The following GRIK4 variants were observed in gnomAD, a reference collection of about 807,000 sequenced individuals.
GRIK4 encodes the protein glutamate receptor ionotropic, kainate 4.
Under a neutral mutation model 104.9 loss-of-function variants are expected in GRIK4, and 40 were observed. That is an observed-to-expected ratio of 0.38 (90% CI 0.30 to 0.50). The LOEUF (loss-of-function observed/expected upper bound fraction) is 0.50. Among genes scored for constraint, GRIK4 ranks in the 20% least tolerant of loss-of-function variants. The probability of loss-of-function intolerance (pLI) is 0.93; values close to 1 mark genes in which losing one functional copy is unlikely to be tolerated. For synonymous variants in GRIK4, 485 were observed against 524.9 expected (o/e 0.92, Z 1.04); for missense variants, 1,047 against 1,308.1 (o/e 0.80, Z 3.08).
intron 4 of GRIK4, among the ~76,000 whole-genome samples, chr11:120,806,465 C>T (rs1381323914): frequency 6.6e-6 from 1 of 152,166 alleles, no homozygotes; most frequent in Non-Finnish European, 1.5e-5. Context: ...TAATTTGCAT[C>T]ATTAATTTAA....
intron 1 of GRIK4, among the ~76,000 whole-genome samples, chr11:120,620,838 G>A (rs1265826358): frequency 1.3e-5 from 2 of 152,150 alleles, no homozygotes; most frequent in Non-Finnish European, 2.9e-5. Context: ...GATGTGCCGG[G>A]CATTGTGCTC....
At chr11:120,725,514 G>A (rs73012312) in intron 3 of GRIK4, among the ~76,000 whole-genome samples, 5,354 of 152,248 alleles carry the variant, frequency 0.035, 122 homozygotes, top group East Asian at 0.092. Context: ...GGTTTATACA[G>A]CAGGGAAGAA....
At chr11:120,672,153 C>A (rs575720965) in intron 3 of GRIK4, among the ~76,000 whole-genome samples, 2 of 152,222 alleles carry the variant, frequency 1.3e-5, no homozygotes, top group South Asian at 4.1e-4. Flanking sequence ...CACAGTGGCT[C>A]ACGCCTGTAA....
intron 3 of GRIK4, among the ~76,000 whole-genome samples, chr11:120,668,095 A>G (rs10437692): frequency 0.08 from 11,177 of 140,310 alleles, 1,353 homozygotes; most frequent in African/African-American, 0.27. Flanking sequence ...AGATGGATAG[A>G]TAGATGGATA....
chr11:120,850,588 C>A (rs1162839259), intron 8 of GRIK4, among the ~76,000 whole-genome samples: 1 of 152,092 alleles, frequency 6.6e-6, no homozygotes, highest in African/African-American at 2.4e-5. Context: ...CCCTTGCCTC[C>A]TGATGATGGC....
chr11:120,549,796 A>AG lies in GRIK4; in HGVS notation c.-159+37911dup. Among the ~76,000 whole-genome samples, 1 of 152,244 alleles carries AG rather than the reference A, an allele frequency of 6.6e-6. No individual in the cohort carries two copies. Among genetic ancestry groups the AG allele is most frequent in the South Asian group, 2.1e-4 (1 of 4,822 alleles). On this transcript the variant is annotated intron_variant, in intron 1 of 20. Transcript: ENST00000527524. This position sits in a 1 kb window ranked among gnomAD's most constrained non-coding sequence, Gnocchi z 4.7. ...AGGAGGACAGAGCCCCTAGGGACCA[A>AG]GGAATCAACTGAACGGCCAGGCTGC...
intron 13 of GRIK4, among the ~76,000 whole-genome samples, chr11:120,923,553 CA>C (rs1943272357): frequency 6.6e-6 from 1 of 151,858 alleles, no homozygotes; most frequent in Non-Finnish European, 1.5e-5. Flanking sequence ...GCTGGGACTA[CA>C]GGCACCCACC....
In GRIK4 at chr11:120,554,723, TG is replaced by T. The variant is rs1232900371; in HGVS notation, c.-159+42837del. ...ACAGACGCCCGCCACCATGCCTGGCTGATTTTTGTGTTTTTAGTAGAGACGG... is the reference window on the plus strand; with the variant it reads ...ACAGACGCCCGCCACCATGCCTGGCTATTTTTGTGTTTTTAGTAGAGACGG... On this transcript the variant is annotated intron_variant, in intron 1 of 20. Transcript: ENST00000527524. 3.3e-5 allele frequency among the ~76,000 whole-genome samples: 5 copies of T among 152,220 alleles called. No individual in the cohort carries two copies. The East Asian group carries it at 9.7e-4, about 29-fold the overall frequency.
intron 3 of GRIK4, among the ~76,000 whole-genome samples, chr11:120,749,812 C>T (rs561725359): frequency 6.6e-5 from 10 of 152,158 alleles, no homozygotes; most frequent in Admixed American, 2.6e-4. Context: ...CAGCGGTGGG[C>T]GGGGGGAAGT....
At chr11:120,692,623 G>T (rs949464340) in intron 3 of GRIK4, among the ~76,000 whole-genome samples, 2 of 152,216 alleles carry the variant, frequency 1.3e-5, no homozygotes, top group African/African-American at 4.8e-5. Context: ...CTCCGGAGGA[G>T]AGTTACAAGG....
intron 3 of GRIK4, among the ~76,000 whole-genome samples, chr11:120,678,467 T>G (rs140852636): frequency 0.013 from 1,999 of 152,260 alleles, 43 homozygotes; most frequent in African/African-American, 0.043. Flanking sequence ...CTTATGCGGC[T>G]AATAGCTGAA....
intron 11 of GRIK4, among the ~76,000 whole-genome samples, chr11:120,875,471 G>A (rs1386082409): frequency 6.6e-6 from 1 of 152,204 alleles, no homozygotes; most frequent in Non-Finnish European, 1.5e-5. Context: ...GAGAACTGGG[G>A]TGAAAGGGGA....
In GRIK4 at chr11:120,872,254, T is replaced by C. The variant is rs1954629114; in HGVS notation, c.907-1812T>C. On this transcript the variant is annotated intron_variant, in intron 9 of 20. Coordinates refer to ENST00000527524, the MANE Select transcript of GRIK4 (RefSeq NM_014619.5). ...GCTCACTTGGAGGGATTCACATGCC[T>C]GGGATCACTCAGCACATAGTGAGGG... The C allele has an allele frequency of 2.0e-5, 6 of 294,274 alleles. No homozygotes were observed. In the South Asian group the frequency reaches 2.1e-4, roughly 10 times the overall value. 18.2% of individuals were successfully genotyped at this position (294,274 alleles called of 1,614,324 possible).
chr11:120,716,722 A>C (rs879613211), intron 3 of GRIK4, among the ~76,000 whole-genome samples: 6 of 152,158 alleles, frequency 3.9e-5, no homozygotes, highest in Admixed American at 2.0e-4. Context: ...CTGACCTGAC[A>C]TTCCCTCTGC....
chr11:120,730,045 G>C (rs1951101399), intron 3 of GRIK4, among the ~76,000 whole-genome samples: 1 of 152,024 alleles, frequency 6.6e-6, no homozygotes, highest in Non-Finnish European at 1.5e-5. Flanking sequence ...GTACATTCTT[G>C]GCACCTTTGT....
chr11:120,585,557 C>T (rs1427782999), intron 1 of GRIK4, among the ~76,000 whole-genome samples: 3 of 152,042 alleles, frequency 2.0e-5, no homozygotes, highest in African/African-American at 7.2e-5. Flanking sequence ...CAGTAGTTAA[C>T]TTTGATAAAG....
chr11:120,882,906 A>T (rs1448964235), intron 11 of GRIK4, among the ~76,000 whole-genome samples: 2 of 152,142 alleles, frequency 1.3e-5, no homozygotes, highest in Non-Finnish European at 2.9e-5. Flanking sequence ...GCTCTCTCGC[A>T]TGCCCTTGCC....
chr11:120,747,751 T>C (rs1473826411), intron 3 of GRIK4, among the ~76,000 whole-genome samples: 2 of 152,386 alleles, frequency 1.3e-5, no homozygotes, highest in East Asian at 1.9e-4. Flanking sequence ...ATTGTGAACA[T>C]TATTGTCAAA....
intron 8 of GRIK4, among the ~76,000 whole-genome samples, chr11:120,852,751 A>G (rs1402377888): frequency 1.3e-5 from 2 of 152,218 alleles, no homozygotes; most frequent in African/African-American, 4.8e-5. Context: ...ACCGCAGTCA[A>G]GTGGGCTCAG....
Sources: gnomAD v4.1 joint callset for allele counts (sites outside exome capture counted in the v4.1 genomes callset) on GRCh38, gnomAD v4.1.1 for gene constraint, Gnocchi (gnomAD v3.1) non-coding constraint, MANE v1.5 for transcripts, NCBI Gene and HGNC (gene_info 2026-07-23, HGNC 2026-07-21) for gene names.